VGLL3: variants seen among roughly 807,000 people sequenced by gnomAD.
VGLL3 encodes the protein vestigial like family member 3, also known as transcription cofactor vestigial-like protein 3.
VGLL3 carries 18 observed loss-of-function variants against 29.2 expected under a neutral mutation model. That is an observed-to-expected ratio of 0.62 (90% confidence interval 0.43 to 0.91). The LOEUF (loss-of-function observed/expected upper bound fraction) is 0.91, where lower values mean the gene tolerates loss of function less well. VGLL3 is among the 40% of genes least tolerant of loss of function. The pLI is 0.00. For synonymous variants in VGLL3, 180 were observed against 151.8 expected (o/e 1.19, Z -1.36); for missense variants, 440 against 413.2 (o/e 1.06, Z -0.56).
At position 86,942,930 on chromosome 3, in the gene VGLL3, C is replaced by T. The variant is rs1275001422; in HGVS notation, c.*4094G>A. ...GGAGCTCAATTTAATGAACTACTTACTCAACTGATAGGCATCTGTAGTAGC... is the reference window on the plus strand; with the variant it reads ...GGAGCTCAATTTAATGAACTACTTATTCAACTGATAGGCATCTGTAGTAGC... On this transcript the variant is annotated 3_prime_UTR_variant, in exon 4 of 4. Transcript: ENST00000398399. 1 of 152,146 alleles carries T rather than the reference C, an allele frequency of 6.6e-6. No individual in the cohort carries two copies. The highest frequency in any genetic ancestry group is 1.5e-5 in the Non-Finnish European group (1 of 68,028). The allele number at this position is 152,146 out of a possible 1,614,324, so 9.4% of individuals were successfully genotyped here.
In VGLL3 at chr3:86,988,828, C is replaced by G. The variant is rs72918113; in HGVS notation, c.126+1790G>C. Among the ~76,000 whole-genome samples the G allele has an allele frequency of 4.3e-3, 600 of 140,810 alleles. 4 individuals carry two copies. The highest frequency in any genetic ancestry group is 0.014 in the African/African-American group (567 of 40,436). 92.4% of individuals were successfully genotyped at this position (140,810 alleles called of 152,430 possible). On this transcript the variant is annotated intron_variant, in intron 1 of 3. Transcript: ENST00000398399. ...AGAAGTTGATCATTATGTAACCAAT[C>G]AATGTAGATAAATTGTTTTCTTTTT...
chr3:86,968,271 T>G (rs1705005915), intron 3 of VGLL3, among the ~76,000 whole-genome samples: 2 of 152,196 alleles, frequency 1.3e-5, no homozygotes. Context: ...CATGGTATAA[T>G]GCTCAGAGAC....
At chr3:86,967,598 G>T (rs1704991535) in intron 3 of VGLL3, among the ~76,000 whole-genome samples, 1 of 152,144 alleles carries the variant, frequency 6.6e-6, no homozygotes, top group Non-Finnish European at 1.5e-5. Flanking sequence ...ATGATTAAGG[G>T]TTCTCCACAC....
intron 3 of VGLL3, among the ~76,000 whole-genome samples, chr3:86,947,589 T>C (rs1704532925): frequency 6.6e-6 from 1 of 152,156 alleles, no homozygotes; most frequent in Non-Finnish European, 1.5e-5. Flanking sequence ...AAACTGAGTC[T>C]ACTATAGTCA....
Position 86,969,068 on chromosome 3 carries a change from G to A in VGLL3, c.459C>T (p.Ser153=). 6.2e-7 allele frequency: 1 copy of A among 1,612,532 alleles called. No homozygotes were observed. Residue 153 remains serine, a synonymous_variant, in exon 3 of 4, where the codon AGC becomes AGT. Transcript: ENST00000398399. ...RNSFPTSFWT[S]SYQPPPAPCL... ...AAGGTGCAGGTGGGGGCTGGTAAGA[G>A]CTGGTCCAAAAGGAAGTTGGGAAAC... is the stretch of plus-strand genomic sequence containing the variant.
intron 3 of VGLL3, among the ~76,000 whole-genome samples, chr3:86,951,485 TG>T (rs1378050537): frequency 1.3e-5 from 2 of 152,108 alleles, no homozygotes; most frequent in East Asian, 3.9e-4. Flanking sequence ...TACCAGTACC[TG>T]GGGGCTAAGA....
intron 3 of VGLL3, among the ~76,000 whole-genome samples, chr3:86,960,019 GT>G (rs1559723533): frequency 1.3e-5 from 2 of 151,936 alleles, no homozygotes; most frequent in Non-Finnish European, 2.9e-5. Context: ...TTCTCACCCG[GT>G]TTTTTGTATT....
chr3:86,983,646 A>G (rs1374486458), intron 1 of VGLL3, among the ~76,000 whole-genome samples: 2 of 152,096 alleles, frequency 1.3e-5, no homozygotes, highest in East Asian at 1.9e-4. Flanking sequence ...TCAGCCTCCC[A>G]GAAGTGTTGG....
At chr3:86,950,662 T>G (rs1416286488) in intron 3 of VGLL3, among the ~76,000 whole-genome samples, 1 of 152,198 alleles carries the variant, frequency 6.6e-6, no homozygotes, top group Non-Finnish European at 1.5e-5. Flanking sequence ...TTTTTAAAAA[T>G]TCTCCATTTG....
chr3:86,942,693 T>C lies in VGLL3; in HGVS notation c.*4331A>G, dbSNP rs933799143. On this transcript the variant is annotated 3_prime_UTR_variant, in exon 4 of 4. Transcript: ENST00000398399. ...GTAGGAAAACTGAATTGGACCTACATGCCACTTTAAGGTTAATTTATTTTT... is the reference window on the plus strand; with the variant it reads ...GTAGGAAAACTGAATTGGACCTACACGCCACTTTAAGGTTAATTTATTTTT... 6.6e-6 allele frequency: 1 copy of C among 152,188 alleles called. No individual in the cohort carries two copies. The highest frequency in any genetic ancestry group is 1.5e-5 in the Non-Finnish European group (1 of 68,030). The allele number at this position is 152,188 out of a possible 1,614,324, so 9.4% of individuals were successfully genotyped here.
intron 1 of VGLL3, 147 bp from the exon 2 acceptor site, chr3:86,978,949 T>C (rs1176950719): frequency 2.2e-6 from 2 of 911,740 alleles, no homozygotes; most frequent in Non-Finnish European, 1.5e-6. Context: ...CTCCATCTTT[T>C]TCCTCCCCAA....
chr3:86,955,006 C>CA (rs1339268286), intron 3 of VGLL3, among the ~76,000 whole-genome samples: 3 of 151,722 alleles, frequency 2.0e-5, no homozygotes, highest in Admixed American at 6.6e-5. Context: ...CAAATGTAGC[C>CA]AAACATGCAT....
intron 2 of VGLL3, among the ~76,000 whole-genome samples, chr3:86,970,193 C>T (rs1255863012): frequency 6.6e-6 from 1 of 152,110 alleles, no homozygotes; most frequent in African/African-American, 2.4e-5. Context: ...CAATTTCCTA[C>T]TCAATCGTAA....
intron 3 of VGLL3, among the ~76,000 whole-genome samples, chr3:86,954,770 G>A (rs1358908615): frequency 6.6e-6 from 1 of 151,986 alleles, no homozygotes; most frequent in Non-Finnish European, 1.5e-5. Flanking sequence ...AATTTCAAAA[G>A]CAGATATAAA....
At chr3:86,958,608 C>G (rs1192846043) in intron 3 of VGLL3, among the ~76,000 whole-genome samples, 1 of 152,164 alleles carries the variant, frequency 6.6e-6, no homozygotes, top group Non-Finnish European at 1.5e-5. Context: ...ACATGGATCT[C>G]AGAGAGCAGG....
chr3:86,962,547 A>C, intron 3 of VGLL3: 2 of 981,150 alleles, frequency 2.0e-6, no homozygotes, highest in South Asian at 9.4e-5. Flanking sequence ...AATACTAAAA[A>C]AAAATTTAAA....
At chr3:86,990,193 C>T in intron 1 of VGLL3, 1 of 502,746 alleles carries the variant, frequency 2.0e-6, no homozygotes, top group South Asian at 8.5e-5. Context: ...CTCCAGGTAG[C>T]TTCCCCTACC....
intron 2 of VGLL3, among the ~76,000 whole-genome samples, chr3:86,973,110 T>A (rs943257439): frequency 2.0e-5 from 3 of 151,938 alleles, no homozygotes; most frequent in Non-Finnish European, 4.4e-5. Flanking sequence ...AAAAATTTTT[T>A]AAAATCTCCG....
rs1372711057 is a variant in VGLL3 at position 86,977,129 on chromosome 3, G to T, written c.403+1397C>A. 3.3e-5 allele frequency among the ~76,000 whole-genome samples: 5 copies of T among 152,016 alleles called. No homozygotes were observed. The East Asian group carries it at 9.7e-4, about 29-fold the overall frequency. On this transcript the variant is annotated intron_variant, in intron 2 of 3. Coordinates refer to ENST00000398399, the MANE Select transcript of VGLL3 (RefSeq NM_016206.4). ...CATCAAGGCCTTGGATATTTTATTT[G>T]TATTCCACCTTCCCCTTTATAGTCA...
Sources: gnomAD v4.1 joint callset for allele counts (sites outside exome capture counted in the v4.1 genomes callset) on GRCh38, gnomAD v4.1.1 for gene constraint, MANE v1.5 for transcripts, NCBI Gene and HGNC (gene_info 2026-07-23, HGNC 2026-07-21) for gene names.